FCHSD2: variants seen among roughly 807,000 people sequenced by gnomAD.
FCHSD2 encodes F-BAR and double SH3 domains protein 2.
A neutral mutation model predicts 108.1 loss-of-function variants in FCHSD2; 38 were observed. The ratio of observed to expected loss-of-function variants is 0.35; its 90% CI spans 0.27 to 0.46. The LOEUF (loss-of-function observed/expected upper bound fraction) is 0.46, where lower values mean the gene tolerates loss of function less well. Among genes scored for constraint, FCHSD2 ranks in the 20% least tolerant of loss-of-function variants. The pLI, the probability that FCHSD2 is intolerant of heterozygous loss-of-function variation, is 1.00. For synonymous variants in FCHSD2, 279 were observed against 314.7 expected, an observed-to-expected ratio of 0.89 and a Z score of 1.20; for missense variants, 751 against 897.8, an observed-to-expected ratio of 0.84 and a Z score of 2.09.
At chr11:72,919,779 T>C (rs1855944427) in intron 9 of FCHSD2, among the ~76,000 whole-genome samples, 1 of 151,666 alleles carries the variant, frequency 6.6e-6, no homozygotes. Context: ...ATAAATGTCG[T>C]TGGATTAAAA....
intron 13 of FCHSD2, among the ~76,000 whole-genome samples, chr11:72,863,509 C>T (rs1854649543): frequency 6.6e-6 from 1 of 151,828 alleles, no homozygotes; most frequent in African/African-American, 2.4e-5. Flanking sequence ...GGTTGGACTT[C>T]ATTAAAATTA....
chr11:73,016,350 A>C (rs1430224832), intron 3 of FCHSD2, among the ~76,000 whole-genome samples: 1 of 151,932 alleles, frequency 6.6e-6, no homozygotes, highest in African/African-American at 2.4e-5. Context: ...CCAACCAACC[A>C]AACAAACAAA....
chr11:72,857,367 C>A (rs1377905542), intron 13 of FCHSD2, among the ~76,000 whole-genome samples: 1 of 151,696 alleles, frequency 6.6e-6, no homozygotes, highest in African/African-American at 2.4e-5. Context: ...GACAGAACTT[C>A]AATCAAAACT....
chr11:73,110,934 T>C (rs1050562447), intron 2 of FCHSD2, among the ~76,000 whole-genome samples: 2 of 152,230 alleles, frequency 1.3e-5, no homozygotes, highest in African/African-American at 4.8e-5. Flanking sequence ...AACCCACTAG[T>C]CATTGTGGAG....
At chr11:73,055,646 AATAT>A (rs1158425214) in intron 3 of FCHSD2, among the ~76,000 whole-genome samples, 3 of 152,180 alleles carry the variant, frequency 2.0e-5, no homozygotes, top group South Asian at 4.1e-4. Flanking sequence ...GTATGTTACA[AATAT>A]ATATATCACT....
chr11:73,024,800 A>C (rs1413199786), intron 3 of FCHSD2, among the ~76,000 whole-genome samples: 1 of 152,166 alleles, frequency 6.6e-6, no homozygotes, highest in African/African-American at 2.4e-5. Flanking sequence ...ACAGGGAAAA[A>C]AACAACAATC....
chr11:73,063,317 C>A (rs1197448394), intron 3 of FCHSD2, among the ~76,000 whole-genome samples: 1 of 152,142 alleles, frequency 6.6e-6, no homozygotes, highest in Non-Finnish European at 1.5e-5. Context: ...ACAACCGGTA[C>A]CAGCCACTGC....
intron 8 of FCHSD2, among the ~76,000 whole-genome samples, chr11:72,977,809 C>T (rs377446138): frequency 8.5e-5 from 13 of 152,354 alleles, no homozygotes; most frequent in African/African-American, 2.9e-4. Flanking sequence ...AATCCCATTA[C>T]TGGGTATATA....
intron 6 of FCHSD2, among the ~76,000 whole-genome samples, chr11:72,988,393 A>G (rs1408721927): frequency 6.6e-6 from 1 of 152,236 alleles, no homozygotes; most frequent in Non-Finnish European, 1.5e-5. Flanking sequence ...ATTCTTAAAA[A>G]AAGGTCTTAT....
chr11:72,842,783 A>G lies in FCHSD2; in HGVS notation c.1764T>C (p.Phe588=). ...YEGQTDDELS[F]PEGAIIRILN... ...AGATACGGATTATTGCTCCCTCAGG[A>G]AAAGATAACTCATCATCTGTCTGGC... is the stretch of plus-strand genomic sequence containing the variant. Residue 588 remains phenylalanine (F), a synonymous_variant, in exon 17 of 20, where the codon TTT becomes TTC. Coordinates refer to ENST00000409418, the MANE Select transcript of FCHSD2 (RefSeq NM_014824.3). 6.2e-7 allele frequency: 1 copy of G among 1,613,986 alleles called. No homozygotes were observed. Among genetic ancestry groups the G allele is most frequent in the Non-Finnish European group, 8.5e-7 (1 of 1,179,874 alleles).
intron 3 of FCHSD2, among the ~76,000 whole-genome samples, chr11:73,020,514 T>C (rs1315247515): frequency 1.3e-5 from 2 of 152,242 alleles, no homozygotes; most frequent in South Asian, 2.1e-4. Flanking sequence ...GTTCACTGCA[T>C]AAGCTGGATA....
chr11:73,125,374 A>G (rs752919320), intron 2 of FCHSD2, among the ~76,000 whole-genome samples: 1 of 152,246 alleles, frequency 6.6e-6, no homozygotes, highest in Non-Finnish European at 1.5e-5. Flanking sequence ...GTGGAATGGT[A>G]CAATATTAAC....
At chr11:73,072,062 G>T (rs1859450078) in intron 3 of FCHSD2, among the ~76,000 whole-genome samples, 1 of 151,814 alleles carries the variant, frequency 6.6e-6, no homozygotes, top group South Asian at 2.1e-4. Context: ...AACAACAAAT[G>T]AGTGAAGACA....
At chr11:72,910,644 T>C (rs1200716769) in intron 9 of FCHSD2, among the ~76,000 whole-genome samples, 1 of 152,066 alleles carries the variant, frequency 6.6e-6, no homozygotes, top group Non-Finnish European at 1.5e-5. Flanking sequence ...TTAAGAGTCA[T>C]CACCACTCCC....
intron 1 of FCHSD2, 75 bp from the exon 2 acceptor site, chr11:73,140,203 T>C (rs1298225607): frequency 8.6e-6 from 6 of 701,234 alleles, no homozygotes; most frequent in Non-Finnish European, 1.4e-5. Flanking sequence ...AAAATACATC[T>C]GTCAGAATAT....
chr11:72,856,720 G>A (rs1861437127), intron 13 of FCHSD2, among the ~76,000 whole-genome samples: 1 of 152,142 alleles, frequency 6.6e-6, no homozygotes, highest in South Asian at 2.1e-4. Flanking sequence ...TGGCAAAACA[G>A]TCTCACATGA....
intron 10 of FCHSD2, among the ~76,000 whole-genome samples, chr11:72,891,563 A>G (rs1855315365): frequency 6.6e-6 from 1 of 152,242 alleles, no homozygotes; most frequent in Non-Finnish European, 1.5e-5. Flanking sequence ...ATCTGTTCTC[A>G]AAGTCAGGAA....
intron 9 of FCHSD2, among the ~76,000 whole-genome samples, chr11:72,918,717 G>T (rs567665031): frequency 6.6e-6 from 1 of 152,044 alleles, no homozygotes; most frequent in Non-Finnish European, 1.5e-5. Flanking sequence ...AATAAATGTA[G>T]AATAACATTG....
intron 9 of FCHSD2, among the ~76,000 whole-genome samples, chr11:72,921,122 C>T (rs1015087568): frequency 3.3e-5 from 5 of 151,822 alleles, no homozygotes; most frequent in African/African-American, 1.2e-4. Flanking sequence ...TTATGAAATG[C>T]GTATTTTTAA....
Sources: allele counts gnomAD v4.1 joint callset (sites outside exome capture counted in the v4.1 genomes callset), GRCh38; gene constraint gnomAD v4.1.1; transcripts MANE v1.5; gene names NCBI Gene and HGNC (gene_info 2026-07-23, HGNC 2026-07-21).